Variants in RP1L1 observed in about 807,000 individuals in gnomAD.
RP1L1 encodes the protein retinitis pigmentosa 1-like 1 protein.
In RP1L1, 27 loss-of-function variants were observed where a neutral mutation model predicts 15.7. That is an observed-to-expected ratio of 1.72 (90% confidence interval 1.27 to 2.38). RP1L1 has a LOEUF of 2.38. RP1L1 is among the 30% of genes most tolerant of loss of function. The pLI is 0.00. For synonymous variants in RP1L1, 1,813 were observed against 1,276.7 expected (o/e 1.42, Z -8.96); for missense variants, 4,798 against 3,075.9 (o/e 1.56, Z -13.24).
chr8:10,629,893 T>C (rs1315402845), intron 1 of RP1L1, among the ~76,000 whole-genome samples: 2 of 152,152 alleles, frequency 1.3e-5, no homozygotes, highest in Non-Finnish European at 2.9e-5. Context: ...CAAGTCTCTG[T>C]GCTCACCAAG....
At chr8:10,614,114 G>A (rs886202127) in intron 3 of RP1L1, among the ~76,000 whole-genome samples, 4 of 152,140 alleles carry the variant, frequency 2.6e-5, no homozygotes, top group African/African-American at 4.8e-5. Context: ...TCTTGCTCCT[G>A]GCCCTCCTCA....
chr8:10,631,202 A>AACACAC (rs147917321), intron 1 of RP1L1, among the ~76,000 whole-genome samples: 15 of 150,186 alleles, frequency 1.0e-4, no homozygotes, highest in East Asian at 5.9e-4. Context: ...CACCTGCAAA[A>AACACAC]ACACACACAC....
intron 3 of RP1L1, 149 bp downstream of exon 3, chr8:10,616,297 A>G (rs1396944384): frequency 1.5e-5 from 14 of 965,196 alleles, no homozygotes; most frequent in Non-Finnish European, 2.3e-5. Context: ...AGAAGGAGGA[A>G]GAGGCAAGAG....
chr8:10,608,240 T>G lies in RP1L1; in HGVS notation c.5858A>C (p.Gln1953Pro), dbSNP rs533021498. ...AEEAAQEAEG[Q>P]TQPESEVIES... ...TATAACTTCTGACTCTGGCTGGGTCTGCCCTTCTGCCTCCTGGGCCGCCTC... is the reference window on the plus strand; with the variant it reads ...TATAACTTCTGACTCTGGCTGGGTCGGCCCTTCTGCCTCCTGGGCCGCCTC... Residue 1953 changes from glutamine to proline, a missense_variant, in exon 4 of 4, where the codon CAG (glutamine) becomes CCG (proline). Transcript: ENST00000382483. 6.3e-7 allele frequency: 1 copy of G among 1,580,308 alleles called. No homozygotes were observed. Among genetic ancestry groups the G allele is most frequent in the South Asian group, 1.1e-5 (1 of 89,608 alleles).
At chr8:10,620,408 C>A (rs1433515028) in intron 2 of RP1L1, among the ~76,000 whole-genome samples, 2 of 152,098 alleles carry the variant, frequency 1.3e-5, no homozygotes, top group African/African-American at 4.8e-5. Context: ...GAGTTCGAGA[C>A]CAGCCTGGCC....
chr8:10,623,068 C>T lies in RP1L1; in HGVS notation c.134G>A (p.Arg45Gln), dbSNP rs770740394. 6.9e-5 allele frequency: 112 copies of T among 1,613,946 alleles called. No individual in the cohort carries two copies. The highest frequency in any genetic ancestry group is 5.3e-5 in the Non-Finnish European group (63 of 1,180,020). ...AACGGCCAGGCGGACCCCAGCAAAC[C>T]GTGGATCCCCTCGCTTGAGGAAGGT... ...KITFLKRGDP[R>Q]FAGVRLAVHQ... The change falls in exon 2 of 4, where the codon CGG (arginine) becomes CAG (glutamine). Residue 45 changes from arginine (R) to glutamine (Q), a missense_variant. By Grantham distance (43) the Arg-to-Gln change is conservative (BLOSUM62 1). Transcript: ENST00000382483.
At chr8:10,653,459 A>AACAC (rs57172931) in intron 1 of RP1L1, among the ~76,000 whole-genome samples, 31,613 of 148,570 alleles carry the variant, frequency 0.21, 4,255 homozygotes, top group Middle Eastern at 0.35. Flanking sequence ...GTCTCCCTCC[A>AACAC]ACACACACAC....
In RP1L1 at chr8:10,606,749, C is replaced by T. The variant is rs903879409; in HGVS notation, c.*146G>A. On this transcript the variant is annotated 3_prime_UTR_variant, in exon 4 of 4. Coordinates refer to ENST00000382483, the MANE Select transcript of RP1L1 (RefSeq NM_178857.6). The stretch of plus-strand genomic sequence containing the variant: ...ACTTAAGAGTCCCAGGACAGCATGG[C>T]ATGGGCTGTGTCCTTGGCAAGTCCT... The T allele has an allele frequency of 3.1e-5, 42 of 1,345,560 alleles. No homozygotes were observed. The highest frequency in any genetic ancestry group is 4.0e-5 in the Non-Finnish European group (40 of 990,404). 83.4% of individuals were successfully genotyped at this position (1,345,560 alleles called of 1,614,324 possible).
At chr8:10,628,162 G>C (rs1798186629) in intron 1 of RP1L1, among the ~76,000 whole-genome samples, 1 of 152,158 alleles carries the variant, frequency 6.6e-6, no homozygotes, top group Non-Finnish European at 1.5e-5. Flanking sequence ...TACTTGAATT[G>C]TCTGTGCTTC....
intron 1 of RP1L1, among the ~76,000 whole-genome samples, chr8:10,639,485 G>A (rs972997021): frequency 6.6e-6 from 1 of 152,088 alleles, no homozygotes; most frequent in Non-Finnish European, 1.5e-5. Flanking sequence ...CGATCCTTAT[G>A]TCTCAGTCTC....
chr8:10,644,897 C>T (rs1171343491), intron 1 of RP1L1, among the ~76,000 whole-genome samples: 1 of 152,172 alleles, frequency 6.6e-6, no homozygotes, highest in Admixed American at 6.5e-5. Flanking sequence ...TTACCAATAA[C>T]GGTGAAAAAT....
intron 2 of RP1L1, chr8:10,621,664 A>G (rs560297452): frequency 8.5e-6 from 4 of 472,510 alleles, no homozygotes; most frequent in East Asian, 6.0e-5. Context: ...TGGTGCATAC[A>G]GATGTTAAGG....
rs189413319 is a variant in RP1L1 at position 10,617,700 on chromosome 8, G to A, written c.610-1113C>T. On this transcript the variant is annotated intron_variant, in intron 2 of 3. Coordinates refer to ENST00000382483, the MANE Select transcript of RP1L1 (RefSeq NM_178857.6). ...GCCTCCGGAGTAGCTGGGACTACAG[G>A]TGCCCGCCACCATACTCAGCTAATT... Among the ~76,000 whole-genome samples the A allele has an allele frequency of 2.3e-3, 347 of 151,796 alleles. 3 individuals are homozygous for A. The highest frequency in any genetic ancestry group is 7.6e-3 in the African/African-American group (313 of 41,398).
chr8:10,607,614 C>G lies in RP1L1; in HGVS notation c.6484G>C (p.Glu2162Gln), dbSNP rs775354331. Residue 2162 changes from glutamate to glutamine, a missense_variant, in exon 4 of 4, where the codon GAA becomes CAA. Glu to Gln is a conservative substitution (Grantham distance 29). Transcript: ENST00000382483. ...TCAGCCTCCTGGGCCTCTATACCTT[C>G]TGACTCTGGCTGGGCCTCCCCTTCT... ...DAEGEAQPES[E>Q]GIEAQEAEEE... 3 of 1,590,498 alleles carry G rather than the reference C, an allele frequency of 1.9e-6. No homozygotes were observed. In the South Asian group the frequency reaches 3.3e-5, roughly 18 times the overall value.
At chr8:10,641,003 T>C (rs929422833) in intron 1 of RP1L1, among the ~76,000 whole-genome samples, 20 of 152,144 alleles carry the variant, frequency 1.3e-4, no homozygotes, top group African/African-American at 4.6e-4. Flanking sequence ...ACTCTTAAGT[T>C]CAAGCAATCC....
chr8:10,652,151 GCTGT>G (rs1401679405), intron 1 of RP1L1, among the ~76,000 whole-genome samples: 1 of 152,168 alleles, frequency 6.6e-6, no homozygotes, highest in Non-Finnish European at 1.5e-5. Context: ...TGATGACACA[GCTGT>G]CTAACAACAC....
Position 10,609,924 on chromosome 8 carries a change from C to A in RP1L1, c.4174G>T (p.Glu1392Ter), listed in dbSNP as rs1797798269. 1 of 1,614,120 alleles carries A rather than the reference C, an allele frequency of 6.2e-7. No individual in the cohort carries two copies. Among genetic ancestry groups the A allele is most frequent in the Non-Finnish European group, 8.5e-7 (1 of 1,180,018 alleles). ...GGAAGTCCTTCCTCTTTGAGACCCT[C>A]TTCAAGAGCCTCTCCTTGCAGTCCT... ...EGGLQGEALEEGLKEEGLPEE... is the reference protein window; with the variant it reads ...EGGLQGEALE The change falls in exon 4 of 4, where the codon GAG (glutamate) becomes TAG (stop). Residue 1392 changes from glutamate (E) to a stop codon, truncating the protein, a stop_gained. Coordinates refer to ENST00000382483, the MANE Select transcript of RP1L1 (RefSeq NM_178857.6). LOFTEE classifies it low-confidence loss of function (END_TRUNC).
Position 10,608,929 on chromosome 8 carries a change from G to C in RP1L1, c.5169C>G (p.Val1723=), listed in dbSNP as rs572802303. Residue 1723 remains valine, a synonymous_variant, in exon 4 of 4, where the codon GTC becomes GTG. Transcript: ENST00000382483. ...THTDPTSTRT[V]QGAEGGLGPG... is the part of the protein sequence containing the mutation. ...GCCCCAGCCCTCCCTCAGCTCCCTG[G>C]ACAGTCCTAGTGCTCGTGGGGTCCG... The C allele has an allele frequency of 1.2e-5, 19 of 1,614,048 alleles. No individual in the cohort carries two copies. In the African/African-American group the frequency reaches 1.2e-4, roughly 10 times the overall value.
Position 10,609,823 on chromosome 8 carries a change from G to C in RP1L1, c.4275C>G (p.Asp1425Glu). Reference sequence around the variant, plus strand: ...TTCCTGCTTCCTCCTCCTGGACTGGGTCATCTTCCTGGGAGCCTTTCCCAT... The same window carrying C: ...TTCCTGCTTCCTCCTCCTGGACTGGCTCATCTTCCTGGGAGCCTTTCCCAT... ...SPDGKGSQED[D>E]PVQEEEAGRA... Residue 1425 changes from aspartate to glutamate, a missense_variant, in exon 4 of 4, where the codon GAC (aspartate) becomes GAG (glutamate). Physicochemically the swap from Asp to Glu is conservative, Grantham distance 45 (BLOSUM62 2). Transcript: ENST00000382483. 6.2e-7 allele frequency: 1 copy of C among 1,614,134 alleles called. No individual in the cohort carries two copies. Among genetic ancestry groups the C allele is most frequent in the Non-Finnish European group, 8.5e-7 (1 of 1,180,034 alleles).
Sources: allele counts gnomAD v4.1 joint callset (sites outside exome capture counted in the v4.1 genomes callset), GRCh38; gene constraint gnomAD v4.1.1; transcripts MANE v1.5; gene names NCBI Gene and HGNC (gene_info 2026-07-23, HGNC 2026-07-21).